KCNQ1: variants seen among roughly 807,000 people sequenced by gnomAD.
The protein encoded by KCNQ1 is potassium voltage-gated channel subfamily Q member 1, also known as potassium voltage-gated channel subfamily KQT member 1.
Under a neutral mutation model 72.4 loss-of-function variants are expected in KCNQ1, and 49 were observed. That is an observed-to-expected ratio of 0.68 (90% CI 0.54 to 0.86). KCNQ1 has a LOEUF of 0.86. Among genes scored for constraint, KCNQ1 ranks in the 40% least tolerant of loss-of-function variants. The probability of loss-of-function intolerance (pLI) is 0.00; values close to 1 mark genes in which losing one functional copy is unlikely to be tolerated. For synonymous variants in KCNQ1, 450 were observed against 412.6 expected, an observed-to-expected ratio of 1.09 and a Z score of -1.10; for missense variants, 790 against 945.1, an observed-to-expected ratio of 0.84 and a Z score of 2.15.
intron 15 of KCNQ1, among the ~76,000 whole-genome samples, chr11:2,823,321 GTATC>G (rs1847776365): frequency 6.6e-6 from 1 of 152,206 alleles, no homozygotes; most frequent in Admixed American, 6.5e-5. Context: ...CCTAGCCAAA[GTATC>G]TATCAAGGGT....
rs1798817818 is a variant in KCNQ1, at chr11:2,827,092, A to G, written c.1795-20675A>G. Among the ~76,000 whole-genome samples the G allele has an allele frequency of 6.6e-6, 1 of 152,176 alleles. No homozygotes were observed. Among genetic ancestry groups the G allele is most frequent in the Non-Finnish European group, 1.5e-5 (1 of 68,012 alleles). On this transcript the variant is annotated intron_variant, in intron 15 of 15. Transcript: ENST00000155840. This position sits in a 1 kb window ranked among gnomAD's most constrained non-coding sequence, Gnocchi z 6.7. ...GATGTCACAGAGCCGGGAGGGGAAC[A>G]GGCTGGGCTGCAGAGAGGAGGCCAG...
rs1281161700 is a variant in KCNQ1, at chr11:2,600,296, C to T, written c.1393+11442C>T. Among the ~76,000 whole-genome samples, 1 of 152,164 alleles carries T rather than the reference C, an allele frequency of 6.6e-6. No homozygotes were observed. Among genetic ancestry groups the T allele is most frequent in the African/African-American group, 2.4e-5 (1 of 41,432 alleles). On this transcript the variant is annotated intron_variant, in intron 10 of 15. Transcript: ENST00000155840. The surrounding 1 kb of genome is among the most constrained non-coding windows in gnomAD (Gnocchi z 5.6). ...GTGACCTGCTGAGCTAAAGCAGTCC[C>T]TCAGGATTGTTTCTTAAAACAAAAC...
intron 1 of KCNQ1, among the ~76,000 whole-genome samples, chr11:2,460,691 C>T (rs947397791): frequency 7.9e-5 from 12 of 152,318 alleles, no homozygotes; most frequent in East Asian, 3.9e-4. Context: ...CTGGGGACTC[C>T]GCTCTTGTGG....
intron 2 of KCNQ1, among the ~76,000 whole-genome samples, chr11:2,548,759 G>T (rs2283161): frequency 0.15 from 23,563 of 152,264 alleles, 2,065 homozygotes; most frequent in East Asian, 0.3. Flanking sequence ...GTTGGGCTCT[G>T]GCGGTGGCCT....
chr11:2,744,836 A>C (rs1846113009), intron 11 of KCNQ1, among the ~76,000 whole-genome samples: 1 of 152,160 alleles, frequency 6.6e-6, no homozygotes, highest in Admixed American at 6.5e-5. Context: ...ATTCGGAAGA[A>C]TCCAGATTCC....
intron 15 of KCNQ1, among the ~76,000 whole-genome samples, chr11:2,842,417 G>A (rs1405874678): frequency 2.6e-5 from 4 of 152,232 alleles, no homozygotes; most frequent in Non-Finnish European, 2.9e-5. Context: ...TGCTCTCCAC[G>A]CAGCTTTGTC....
At chr11:2,838,478 C>T (rs916564748) in intron 15 of KCNQ1, among the ~76,000 whole-genome samples, 8 of 152,028 alleles carry the variant, frequency 5.3e-5, no homozygotes, top group Non-Finnish European at 1.0e-4. Flanking sequence ...GGTCTGACTT[C>T]CAGTGGTATG....
chr11:2,812,430 G>C (rs1324859876), intron 15 of KCNQ1, among the ~76,000 whole-genome samples: 1 of 152,154 alleles, frequency 6.6e-6, no homozygotes, highest in Non-Finnish European at 1.5e-5. Flanking sequence ...AAAATGATGG[G>C]GGACACATTT....
chr11:2,805,597 C>T (rs1246963002), intron 15 of KCNQ1, among the ~76,000 whole-genome samples: 2 of 152,218 alleles, frequency 1.3e-5, no homozygotes, highest in Non-Finnish European at 2.9e-5. Context: ...TAACCTTACA[C>T]CACCTTGGCA....
chr11:2,713,312 G>A lies in KCNQ1; in HGVS notation c.1514+51231G>A, dbSNP rs1295337745. Among the ~76,000 whole-genome samples, 2 of 152,102 alleles carry A rather than the reference G, an allele frequency of 1.3e-5. No homozygotes were observed. Among genetic ancestry groups the A allele is most frequent in the Non-Finnish European group, 2.9e-5 (2 of 68,026 alleles). On this transcript the variant is annotated intron_variant, in intron 11 of 15. Coordinates refer to ENST00000155840, the MANE Select transcript of KCNQ1 (RefSeq NM_000218.3). This position sits in a 1 kb window ranked among gnomAD's most constrained non-coding sequence, Gnocchi z 5.6. ...GTTCACTGCGCTTCTCAGGCCTTCT[G>A]GGCTCTTCCTCTGCTGCTCGCCATA... is the stretch of plus-strand genomic sequence containing the variant.
rs561372674 is a variant in KCNQ1 at position 2,661,440 on chromosome 11, C to A, written c.1394-521C>A. 5.3e-5 allele frequency: 23 copies of A among 437,682 alleles called. No individual in the cohort carries two copies. The highest frequency in any genetic ancestry group is 4.2e-4 in the African/African-American group (21 of 50,096). The allele number at this position is 437,682 out of a possible 1,614,324, so 27.1% of individuals were successfully genotyped here. A position where few individuals can be genotyped will look rare whatever the true frequency, so the allele number is the denominator to read the frequency against. On this transcript the variant is annotated intron_variant, in intron 10 of 15. Coordinates refer to ENST00000155840, the MANE Select transcript of KCNQ1 (RefSeq NM_000218.3). The surrounding 1 kb of genome is among the most constrained non-coding windows in gnomAD (Gnocchi z 5.9). Reference sequence around the variant, plus strand: ...TTGGGGGTACAACTGGTTGATGTAGCATCGTGTTTTGAGGAAGGAGTTCTG... The same window carrying A: ...TTGGGGGTACAACTGGTTGATGTAGAATCGTGTTTTGAGGAAGGAGTTCTG...
chr11:2,588,726 A>C lies in KCNQ1; in HGVS notation c.1265A>C (p.Lys422Thr), dbSNP rs199472778. The change falls in exon 10 of 16, where the codon AAG becomes ACG. Residue 422 changes from lysine (K) to threonine (T), a missense_variant. Physicochemically the swap from Lys to Thr is moderately conservative, Grantham distance 78. Transcript: ENST00000155840. The surrounding 1 kb of genome is among the most constrained non-coding windows in gnomAD (Gnocchi z 5.6). ...TGTTTTTTTTAGGTAAAGAAAAAAA[A>C]GTTCAAGCTGGACAAAGACAATGGG... ...PKKSVVVKKKKFKLDKDNGVT... is the reference protein window; with the variant it reads ...PKKSVVVKKKTFKLDKDNGVT... The C allele has an allele frequency of 1.9e-6, 3 of 1,613,634 alleles. No individual in the cohort carries two copies. The South Asian group carries it at 3.3e-5, about 18-fold the overall frequency.
chr11:2,788,699 G>T (rs1356542607), intron 15 of KCNQ1, among the ~76,000 whole-genome samples: 1 of 152,198 alleles, frequency 6.6e-6, no homozygotes, highest in Non-Finnish European at 1.5e-5. Flanking sequence ...CTGGGAACTG[G>T]TTATTTTAAG....
chr11:2,733,356 C>A (rs1219565334), intron 11 of KCNQ1, among the ~76,000 whole-genome samples: 1 of 152,078 alleles, frequency 6.6e-6, no homozygotes, highest in Non-Finnish European at 1.5e-5. Flanking sequence ...TCCTTCACTG[C>A]GACCCCGACC....
intron 2 of KCNQ1, among the ~76,000 whole-genome samples, chr11:2,553,569 G>T (rs1848021807): frequency 6.6e-6 from 1 of 152,146 alleles, no homozygotes; most frequent in South Asian, 2.1e-4. Flanking sequence ...TTCTTAATTT[G>T]CTAGTGTGGG....
intron 10 of KCNQ1, chr11:2,639,649 C>G (rs1361143053): frequency 1.3e-5 from 2 of 152,426 alleles, no homozygotes; most frequent in Non-Finnish European, 2.9e-5. Flanking sequence ...AGTTAGGCTA[C>G]TCGGGGGTCA....
At position 2,481,373 on chromosome 11, in the gene KCNQ1, G is replaced by A. The variant is rs997654756; in HGVS notation, c.386+35889G>A. 6.6e-6 allele frequency among the ~76,000 whole-genome samples: 1 copy of A among 152,160 alleles called. No individual in the cohort carries two copies. Among genetic ancestry groups the A allele is most frequent in the Non-Finnish European group, 1.5e-5 (1 of 68,024 alleles). On this transcript the variant is annotated intron_variant, in intron 1 of 15. Coordinates refer to ENST00000155840, the MANE Select transcript of KCNQ1 (RefSeq NM_000218.3). This position sits in a 1 kb window ranked among gnomAD's most constrained non-coding sequence, Gnocchi z 4.6. ...GGCGTGTGTGTGTGCGCGCGTGCATGCACATGTTTCTACTTGGTCTTTGTG... is the reference window on the plus strand; with the variant it reads ...GGCGTGTGTGTGTGCGCGCGTGCATACACATGTTTCTACTTGGTCTTTGTG...
At chr11:2,548,875 G>A (rs181441095) in intron 2 of KCNQ1, among the ~76,000 whole-genome samples, 8 of 152,226 alleles carry the variant, frequency 5.3e-5, no homozygotes, top group Non-Finnish European at 7.3e-5. Flanking sequence ...CGCCATTGTC[G>A]ACTTTGGGGT....
At chr11:2,777,456 G>A in intron 14 of KCNQ1, 1 of 530,552 alleles carries the variant, frequency 1.9e-6, no homozygotes, top group Non-Finnish European at 3.3e-6. Context: ...GCAGCCTGGG[G>A]GCTGGTTTTC....
Sources: allele counts gnomAD v4.1 joint callset (sites outside exome capture counted in the v4.1 genomes callset), GRCh38; gene constraint gnomAD v4.1.1; non-coding constraint Gnocchi (gnomAD v3.1); transcripts MANE v1.5; gene names NCBI Gene and HGNC (gene_info 2026-07-23, HGNC 2026-07-21).